Variants in TIAM2 observed in about 807,000 individuals in gnomAD.
TIAM2 encodes the protein rho guanine nucleotide exchange factor TIAM2.
Under a neutral mutation model 152.9 loss-of-function variants are expected in TIAM2, and 80 were observed. The observed-to-expected ratio is 0.52, with a 90% CI of 0.44 to 0.63. The LOEUF (loss-of-function observed/expected upper bound fraction) is 0.63, where lower values mean the gene tolerates loss of function less well. Ranked by LOEUF, TIAM2 falls within the 30% of genes least tolerant of loss-of-function variation. TIAM2 has a pLI of 0.00. For missense variants in TIAM2, 1,965 were observed against 2,120.1 expected (o/e 0.93, Z 1.44); for synonymous variants, 804 against 838.0 (o/e 0.96, Z 0.70).
At chr6:155,123,847 A>G (rs1320610019) in intron 2 of TIAM2, among the ~76,000 whole-genome samples, 1 of 152,194 alleles carries the variant, frequency 6.6e-6, no homozygotes, top group African/African-American at 2.4e-5. Context: ...TCTTTACAAA[A>G]GGAAACAAAT....
At chr6:155,248,240 C>A (rs1040577924) in intron 20 of TIAM2, 61 bp downstream of exon 20, 3 of 1,548,642 alleles carry the variant, frequency 1.9e-6, no homozygotes, top group African/African-American at 2.7e-5. Context: ...GGCTGCCAGC[C>A]GTGCCCTGGG....
At position 155,229,480 on chromosome 6, in the gene TIAM2, T is replaced by C. The variant is rs551397131; in HGVS notation, c.3169-11050T>C. Among the ~76,000 whole-genome samples the C allele has an allele frequency of 2.6e-5, 4 of 152,376 alleles. No individual in the cohort carries two copies. The East Asian group carries it at 7.7e-4, about 29-fold the overall frequency. Reference sequence around the variant, plus strand: ...CCTTTAAATGTGACCCCTGCTTTTATAGGCAAGTAAACTAAGTCATGGAGC... The same window carrying C: ...CCTTTAAATGTGACCCCTGCTTTTACAGGCAAGTAAACTAAGTCATGGAGC... On this transcript the variant is annotated intron_variant, in intron 15 of 26. Transcript: ENST00000682666.
At chr6:155,124,750 C>T (rs1420059855) in intron 2 of TIAM2, among the ~76,000 whole-genome samples, 1 of 152,160 alleles carries the variant, frequency 6.6e-6, no homozygotes, top group African/African-American at 2.4e-5. Context: ...ACACAGCTGC[C>T]TACTAAAAGG....
intron 15 of TIAM2, among the ~76,000 whole-genome samples, chr6:155,226,137 A>G (rs1307195613): frequency 6.6e-6 from 1 of 152,186 alleles, no homozygotes; most frequent in East Asian, 1.9e-4. Flanking sequence ...TTCAGACGAA[A>G]TCATAGCACC....
chr6:155,249,740 G>A, intron 20 of TIAM2, 111 bp from the exon 21 acceptor site: 1 of 794,230 alleles, frequency 1.3e-6, no homozygotes, highest in Non-Finnish European at 2.0e-6. Context: ...TCCTGCTAGT[G>A]GGTACTGGTC....
At chr6:155,163,972 T>TG in intron 7 of TIAM2, among the ~76,000 whole-genome samples, 1 of 151,242 alleles carries the variant, frequency 6.6e-6, no homozygotes, top group East Asian at 1.9e-4. Flanking sequence ...TTTTGTTTTT[T>TG]TTTTTGAGAC....
rs1042816818 is a variant in TIAM2 at position 155,022,930 on chromosome 6, G to T, written c.-209+27438G>T. Among the ~76,000 whole-genome samples, 5 of 152,170 alleles carry T rather than the reference G, an allele frequency of 3.3e-5. No homozygotes were observed. In the South Asian group the frequency reaches 1.0e-3, roughly 32 times the overall value. On this transcript the variant is annotated intron_variant, in intron 1 of 26. Transcript: ENST00000682666. ...CTTGGCAGCCATGGACGTGGATAAA[G>T]TGAATTCCTTTTTGTAACCATCTTA...
intron 5 of TIAM2, among the ~76,000 whole-genome samples, chr6:155,140,878 C>T (rs1779685759): frequency 2.0e-5 from 3 of 152,152 alleles, no homozygotes; most frequent in African/African-American, 4.8e-5. Context: ...TGGAAAGATG[C>T]TCCCTTTTTG....
At chr6:155,020,080 T>C (rs1203499314) in intron 1 of TIAM2, among the ~76,000 whole-genome samples, 1 of 151,052 alleles carries the variant, frequency 6.6e-6, no homozygotes, top group Non-Finnish European at 1.5e-5. Flanking sequence ...AGGTAGGTGG[T>C]AGACATGTCC....
chr6:155,170,510 A>C (rs535515540), intron 9 of TIAM2, among the ~76,000 whole-genome samples: 18 of 152,220 alleles, frequency 1.2e-4, no homozygotes, highest in Non-Finnish European at 2.5e-4. Context: ...CTGAGGTGGG[A>C]GGATTGCTTG....
At chr6:155,250,844 A>G (rs1783611717) in intron 21 of TIAM2, 69 bp from the exon 22 acceptor site, 4 of 1,460,812 alleles carry the variant, frequency 2.7e-6, no homozygotes, top group Non-Finnish European at 3.8e-6. Context: ...TGTGTACATC[A>G]CTATCTAACA....
chr6:155,164,413 A>G lies in TIAM2; in HGVS notation c.2029-2A>G. ...TTAAATCACCTCTGTTTTTGCTTTA[A>G]GATCCAGCAATGGGAGCAGAATCTT... On this transcript the variant is annotated splice_acceptor_variant, in intron 7 of 26. Coordinates refer to ENST00000682666, the MANE Select transcript of TIAM2 (RefSeq NM_012454.4). LOFTEE classifies it high-confidence loss of function. 6.4e-7 allele frequency: 1 copy of G among 1,570,666 alleles called. No homozygotes were observed. The highest frequency in any genetic ancestry group is 8.7e-7 in the Non-Finnish European group (1 of 1,150,632).
chr6:155,059,624 T>C (rs1459048124), intron 1 of TIAM2, among the ~76,000 whole-genome samples: 2 of 152,042 alleles, frequency 1.3e-5, no homozygotes, highest in Admixed American at 1.3e-4. Flanking sequence ...CCTCTATTTG[T>C]GTTTGATGTT....
Position 155,257,581 on chromosome 6 carries a change from GAT to G in TIAM2, c.*462_*463del, listed in dbSNP as rs1329124613. The G allele has an allele frequency of 1.0e-4, 4 of 39,704 alleles. No individual in the cohort carries two copies. The highest frequency in any genetic ancestry group is 1.5e-4 in the Non-Finnish European group (4 of 27,152). The allele number at this position is 39,704 out of a possible 1,614,324, so 2.5% of individuals were successfully genotyped here. A position where few individuals can be genotyped will look rare whatever the true frequency, so the allele number is the denominator to read the frequency against. On this transcript the variant is annotated 3_prime_UTR_variant, in exon 27 of 27. Transcript: ENST00000682666. ...ATGTGCAGATACTTCATTTTTGTAAGATAGATTGTAATAGATGCTGTTTATAC... is the reference window on the plus strand; with the variant it reads ...ATGTGCAGATACTTCATTTTTGTAAGAGATTGTAATAGATGCTGTTTATAC...
At chr6:155,153,247 C>T (rs915666152) in intron 7 of TIAM2, among the ~76,000 whole-genome samples, 1 of 152,090 alleles carries the variant, frequency 6.6e-6, no homozygotes, top group African/African-American at 2.4e-5. Flanking sequence ...CAACCCCTGC[C>T]GTACATGCAC....
chr6:155,028,729 A>T (rs1207094102), intron 1 of TIAM2, among the ~76,000 whole-genome samples: 1 of 133,630 alleles, frequency 7.5e-6, no homozygotes, highest in African/African-American at 2.8e-5. Flanking sequence ...CATATAATAT[A>T]TATACTGTGT....
chr6:155,153,248 G>A (rs1355040975), intron 7 of TIAM2, among the ~76,000 whole-genome samples: 3 of 151,764 alleles, frequency 2.0e-5, no homozygotes, highest in African/African-American at 7.3e-5. Context: ...AACCCCTGCC[G>A]TACATGCACT....
intron 22 of TIAM2, 72 bp from the exon 23 acceptor site, chr6:155,251,873 C>A: frequency 8.4e-7 from 1 of 1,194,450 alleles, no homozygotes; most frequent in Non-Finnish European, 1.2e-6. Context: ...TCTGTTAAGA[C>A]GTTCAGCTCT....
chr6:155,104,860 TA>T (rs1173134614), intron 2 of TIAM2, among the ~76,000 whole-genome samples: 2 of 152,186 alleles, frequency 1.3e-5, no homozygotes, highest in African/African-American at 4.8e-5. Context: ...TATGTGTATG[TA>T]AAATACAGTT....
Sources: gnomAD v4.1 joint callset for allele counts (sites outside exome capture counted in the v4.1 genomes callset) on GRCh38, gnomAD v4.1.1 for gene constraint, MANE v1.5 for transcripts, NCBI Gene and HGNC (gene_info 2026-07-23, HGNC 2026-07-21) for gene names.